Variants in RNASE2 observed in about 807,000 individuals in gnomAD.
RNASE2 encodes non-secretory ribonuclease.
For synonymous variants in RNASE2, 67 were observed against 68.9 expected (o/e 0.97, Z 0.13); for missense variants, 170 against 197.9 (o/e 0.86, Z 0.85).
At position 20,956,131 on chromosome 14, in the gene RNASE2, T is replaced by A. The variant is rs747831731; in HGVS notation, c.360T>A (p.Ile120=). Reference sequence around the variant, plus strand: ...TCACAACTCCAAGTCCACAGAATATTTCAAACTGCAGGTATGCGCAGACAC... The same window carrying A: ...TCACAACTCCAAGTCCACAGAATATATCAAACTGCAGGTATGCGCAGACAC... ...CNLTTPSPQN[I]SNCRYAQTPA... Residue 120 remains isoleucine (I), a synonymous_variant, in exon 2 of 2, where the codon ATT becomes ATA. Transcript: ENST00000304625. 3.1e-5 allele frequency: 50 copies of A among 1,614,036 alleles called. No homozygotes were observed. The highest frequency in any genetic ancestry group is 4.1e-5 in the Non-Finnish European group (48 of 1,180,040).
rs762246547 is a variant in RNASE2 at position 20,955,722 on chromosome 14, C to T, written c.-5-45C>T. The stretch of plus-strand genomic sequence containing the variant: ...TAAGACACTACAGTGTGTGTCATAA[C>T]CAAGACCCGATCAGGGAGTAGTTAC... On this transcript the variant is annotated intron_variant, in intron 1 of 1. Coordinates refer to ENST00000304625, the MANE Select transcript of RNASE2 (RefSeq NM_002934.3). 5 of 1,562,434 alleles carry T rather than the reference C, an allele frequency of 3.2e-6. No individual in the cohort carries two copies. In the African/African-American group the frequency reaches 4.1e-5, roughly 13 times the overall value.
rs1879179606 is a variant in RNASE2, at chr14:20,955,494, C to T, written c.-48C>T. The T allele has an allele frequency of 2.1e-6, 1 of 474,730 alleles. No homozygotes were observed. The highest frequency in any genetic ancestry group is 3.9e-5 in the Admixed American group (1 of 25,732). 29.4% of individuals were successfully genotyped at this position (474,730 alleles called of 1,614,324 possible). A position where few individuals can be genotyped will look rare whatever the true frequency, so the allele number is the denominator to read the frequency against. ...CAGCTGCCCCTGAACCCCAGAACAA[C>T]CAGCTGGATCAGTTCTCACAGGAGC... On this transcript the variant is annotated 5_prime_UTR_variant, in exon 1 of 2. Coordinates refer to ENST00000304625, the MANE Select transcript of RNASE2 (RefSeq NM_002934.3).
rs775383938 is a variant in RNASE2, at chr14:20,956,273, C to G, written c.*16C>G. 6.2e-7 allele frequency: 1 copy of G among 1,611,684 alleles called. No individual in the cohort carries two copies. The highest frequency in any genetic ancestry group is 8.5e-7 in the Non-Finnish European group (1 of 1,178,368). ...AATCATCTAAGCTCCTGTATCAGCACTCCTCATCATCACTCATCTGCCAAG... is the reference window on the plus strand; with the variant it reads ...AATCATCTAAGCTCCTGTATCAGCAGTCCTCATCATCACTCATCTGCCAAG... On this transcript the variant is annotated 3_prime_UTR_variant, in exon 2 of 2. Transcript: ENST00000304625.
At position 20,955,509 on chromosome 14, in the gene RNASE2, C is replaced by T. The variant is rs1375897852; in HGVS notation, c.-33C>T. 2 of 519,026 alleles carry T rather than the reference C, an allele frequency of 3.9e-6. No homozygotes were observed. Among genetic ancestry groups the T allele is most frequent in the Non-Finnish European group, 6.8e-6 (2 of 295,124 alleles). 32.2% of individuals were successfully genotyped at this position (519,026 alleles called of 1,614,324 possible). A position where few individuals can be genotyped will look rare whatever the true frequency, so the allele number is the denominator to read the frequency against. ...CCCAGAACAACCAGCTGGATCAGTTCTCACAGGAGCTACAGCGCGGAGACT... is the reference window on the plus strand; with the variant it reads ...CCCAGAACAACCAGCTGGATCAGTTTTCACAGGAGCTACAGCGCGGAGACT... On this transcript the variant is annotated 5_prime_UTR_variant, in exon 1 of 2. Transcript: ENST00000304625.
Position 20,955,828 on chromosome 14 carries a change from G to C in RNASE2, c.57G>C (p.Leu19=), listed in dbSNP as rs140684429. Residue 19 remains leucine (L), a synonymous_variant, in exon 2 of 2, where the codon CTG becomes CTC. Coordinates refer to ENST00000304625, the MANE Select transcript of RNASE2 (RefSeq NM_002934.3). ...QICLLLLLGL[L]AVEGSLHVKP... is the part of the protein sequence containing the mutation. ...GTCTGCTTCTTCTGTTGGGGCTTCT[G>C]GCTGTGGAGGGCTCACTCCATGTCA... 1.5e-5 allele frequency: 24 copies of C among 1,613,838 alleles called. No homozygotes were observed. In the African/African-American group the frequency reaches 2.4e-4, roughly 16 times the overall value.
chr14:20,956,141 A>C lies in RNASE2; in HGVS notation c.370A>C (p.Arg124=). The change falls in exon 2 of 2, where the codon AGG becomes CGG. Residue 124 remains arginine (R), a synonymous_variant. Transcript: ENST00000304625. Reference sequence around the variant, plus strand: ...AAGTCCACAGAATATTTCAAACTGCAGGTATGCGCAGACACCAGCAAACAT... The same window carrying C: ...AAGTCCACAGAATATTTCAAACTGCCGGTATGCGCAGACACCAGCAAACAT... ...TPSPQNISNC[R]YAQTPANMFY... The C allele has an allele frequency of 6.2e-7, 1 of 1,614,158 alleles. No individual in the cohort carries two copies. Among genetic ancestry groups the C allele is most frequent in the South Asian group, 1.1e-5 (1 of 91,076 alleles).
rs769523397 is a variant in RNASE2, at chr14:20,956,143, G to A, written c.372G>A (p.Arg124=). 36 of 1,614,124 alleles carry A rather than the reference G, an allele frequency of 2.2e-5. No homozygotes were observed. In the South Asian group the frequency reaches 3.8e-4, roughly 17 times the overall value. ...GTCCACAGAATATTTCAAACTGCAG[G>A]TATGCGCAGACACCAGCAAACATGT... is the stretch of plus-strand genomic sequence containing the variant. ...TPSPQNISNC[R]YAQTPANMFY... Residue 124 remains arginine, a synonymous_variant, in exon 2 of 2, where the codon AGG becomes AGA. Coordinates refer to ENST00000304625, the MANE Select transcript of RNASE2 (RefSeq NM_002934.3).
chr14:20,955,596 G>A (rs1879182807), intron 1 of RNASE2, 60 bp downstream of exon 1: 1 of 824,022 alleles, frequency 1.2e-6, no homozygotes, highest in Non-Finnish European at 1.9e-6. Context: ...GCAACTGAGG[G>A]AGAAGAGAGC....
chr14:20,956,336 C>A lies in RNASE2; in HGVS notation c.*79C>A. On this transcript the variant is annotated 3_prime_UTR_variant, in exon 2 of 2. Coordinates refer to ENST00000304625, the MANE Select transcript of RNASE2 (RefSeq NM_002934.3). ...AGCCAAGATCCCATCTCTCCATATA[C>A]TTTGGGTATCAGCATCTGTCCTCAT... The A allele has an allele frequency of 6.4e-7, 1 of 1,563,952 alleles. No homozygotes were observed. Among genetic ancestry groups the A allele is most frequent in the Non-Finnish European group, 8.7e-7 (1 of 1,154,326 alleles).
rs1034277060 is a variant in RNASE2 at position 20,955,526 on chromosome 14, G to A, written c.-16G>A. On this transcript the variant is annotated 5_prime_UTR_variant, in exon 1 of 2. Coordinates refer to ENST00000304625, the MANE Select transcript of RNASE2 (RefSeq NM_002934.3). ...GATCAGTTCTCACAGGAGCTACAGC[G>A]CGGAGACTGGGTAAGTCAACGATCC... The A allele has an allele frequency of 1.0e-4, 55 of 547,072 alleles. No homozygotes were observed. The highest frequency in any genetic ancestry group is 7.2e-4 in the East Asian group (24 of 33,122). 33.9% of individuals were successfully genotyped at this position (547,072 alleles called of 1,614,324 possible). A position where few individuals can be genotyped will look rare whatever the true frequency, so the allele number is the denominator to read the frequency against.
In RNASE2 at chr14:20,956,360, A is replaced by G. The variant is rs991668278; in HGVS notation, c.*103A>G. The G allele has an allele frequency of 1.3e-6, 2 of 1,499,068 alleles. No individual in the cohort carries two copies. Among genetic ancestry groups the G allele is most frequent in the Admixed American group, 3.9e-5 (2 of 50,770 alleles). 92.9% of individuals were successfully genotyped at this position (1,499,068 alleles called of 1,614,324 possible). A position where few individuals can be genotyped will look rare whatever the true frequency, so the allele number is the denominator to read the frequency against. On this transcript the variant is annotated 3_prime_UTR_variant, in exon 2 of 2. Coordinates refer to ENST00000304625, the MANE Select transcript of RNASE2 (RefSeq NM_002934.3). ...ACTTTGGGTATCAGCATCTGTCCTC[A>G]TCAGTCTCCATACCCCTTCAGCTTT...
In RNASE2 at chr14:20,955,790, A is replaced by G. The variant is rs1879187611; in HGVS notation, c.19A>G (p.Thr7Ala). The change falls in exon 2 of 2, where the codon ACT becomes GCT. Residue 7 changes from threonine to alanine, a missense_variant. Physicochemically the swap from Thr to Ala is moderately conservative, Grantham distance 58 (BLOSUM62 0). Coordinates refer to ENST00000304625, the MANE Select transcript of RNASE2 (RefSeq NM_002934.3). Reference sequence around the variant, plus strand: ...AGGAAACATGGTTCCAAAACTGTTCACTTCCCAAATTTGTCTGCTTCTTCT... The same window carrying G: ...AGGAAACATGGTTCCAAAACTGTTCGCTTCCCAAATTTGTCTGCTTCTTCT... MVPKLF[T>A]SQICLLLLLG... 3 of 1,611,130 alleles carry G rather than the reference A, an allele frequency of 1.9e-6. No homozygotes were observed. Among genetic ancestry groups the G allele is most frequent in the Non-Finnish European group, 2.5e-6 (3 of 1,178,904 alleles).
At chr14:20,955,728 C>T (rs765604286) in intron 1 of RNASE2, 39 bp from the exon 2 acceptor site, 1 of 1,565,904 alleles carries the variant, frequency 6.4e-7, no homozygotes. Context: ...ATAACCAAGA[C>T]CCGATCAGGG....
In RNASE2 at chr14:20,955,523, A is replaced by G. The variant is rs1879180681; in HGVS notation, c.-19A>G. On this transcript the variant is annotated 5_prime_UTR_variant, in exon 1 of 2. Coordinates refer to ENST00000304625, the MANE Select transcript of RNASE2 (RefSeq NM_002934.3). Reference sequence around the variant, plus strand: ...CTGGATCAGTTCTCACAGGAGCTACAGCGCGGAGACTGGGTAAGTCAACGA... The same window carrying G: ...CTGGATCAGTTCTCACAGGAGCTACGGCGCGGAGACTGGGTAAGTCAACGA... 5.5e-6 allele frequency: 3 copies of G among 544,422 alleles called. No individual in the cohort carries two copies. The highest frequency in any genetic ancestry group is 5.3e-5 in the South Asian group (2 of 37,858). The allele number at this position is 544,422 out of a possible 1,614,324, so 33.7% of individuals were successfully genotyped here.
rs1879205942 is a variant in RNASE2 at position 20,956,291 on chromosome 14, C to G, written c.*34C>G. 1 of 1,605,738 alleles carries G rather than the reference C, an allele frequency of 6.2e-7. No individual in the cohort carries two copies. The highest frequency in any genetic ancestry group is 1.1e-5 in the South Asian group (1 of 89,894). On this transcript the variant is annotated 3_prime_UTR_variant, in exon 2 of 2. Coordinates refer to ENST00000304625, the MANE Select transcript of RNASE2 (RefSeq NM_002934.3). ...ATCAGCACTCCTCATCATCACTCATCTGCCAAGCTCCTCAATCATAGCCAA... is the reference window on the plus strand; with the variant it reads ...ATCAGCACTCCTCATCATCACTCATGTGCCAAGCTCCTCAATCATAGCCAA...
At position 20,956,282 on chromosome 14, in the gene RNASE2, A is replaced by G. The variant is rs760576732; in HGVS notation, c.*25A>G. ...AGCTCCTGTATCAGCACTCCTCATC[A>G]TCACTCATCTGCCAAGCTCCTCAAT... On this transcript the variant is annotated 3_prime_UTR_variant, in exon 2 of 2. Transcript: ENST00000304625. The G allele has an allele frequency of 9.3e-6, 15 of 1,609,254 alleles. No homozygotes were observed. The highest frequency in any genetic ancestry group is 1.3e-5 in the Non-Finnish European group (15 of 1,177,074).
Position 20,955,907 on chromosome 14 carries a change from A to T in RNASE2, c.136A>T (p.Thr46Ser), listed in dbSNP as rs774729819. ...GTTTGAAACCCAGCACATCAATATG[A>T]CCTCCCAGCAATGCACCAATGCAAT... The part of the protein sequence containing the change: ...QWFETQHINM[T>S]SQQCTNAMQV... The change falls in exon 2 of 2, where the codon ACC becomes TCC. Residue 46 changes from threonine (T) to serine (S), a missense_variant. Transcript: ENST00000304625. 1.1e-5 allele frequency: 17 copies of T among 1,614,026 alleles called. No homozygotes were observed. In the South Asian group the frequency reaches 1.9e-4, roughly 18 times the overall value.
In RNASE2 at chr14:20,956,082, A is replaced by C. The variant is rs142822260; in HGVS notation, c.311A>C (p.Gln104Pro). ...AAAAATTGTCACCACAGTGGAAGCC[A>C]GGTGCCTTTAATCCACTGTAACCTC... ...TRKNCHHSGS[Q>P]VPLIHCNLTT... Residue 104 changes from glutamine (Q) to proline (P), a missense_variant, in exon 2 of 2, where the codon CAG becomes CCG. By Grantham distance (76) the Gln-to-Pro change is moderately conservative. Coordinates refer to ENST00000304625, the MANE Select transcript of RNASE2 (RefSeq NM_002934.3). The C allele has an allele frequency of 6.4e-4, 1,036 of 1,614,252 alleles. 12 individuals carry two copies. In the Middle Eastern group the frequency reaches 7.4e-3, roughly 12 times the overall value.
Position 20,956,323 on chromosome 14 carries a change from A to G in RNASE2, c.*66A>G. On this transcript the variant is annotated 3_prime_UTR_variant, in exon 2 of 2. Transcript: ENST00000304625. ...GCTCCTCAATCATAGCCAAGATCCC[A>G]TCTCTCCATATACTTTGGGTATCAG... 2.5e-6 allele frequency: 4 copies of G among 1,583,514 alleles called. No individual in the cohort carries two copies. Among genetic ancestry groups the G allele is most frequent in the Non-Finnish European group, 3.4e-6 (4 of 1,164,460 alleles).
Sources: gnomAD v4.1 joint callset for allele counts on GRCh38, gnomAD v4.1.1 for gene constraint, MANE v1.5 for transcripts, NCBI Gene and HGNC (gene_info 2026-07-23, HGNC 2026-07-21) for gene names.